Variants in FRMD6 observed in about 807,000 individuals in gnomAD.
FRMD6 encodes FERM domain-containing protein 6.
Under a neutral mutation model 73.2 loss-of-function variants are expected in FRMD6, and 37 were observed. The observed-to-expected ratio is 0.51, with a 90% CI of 0.39 to 0.66. The LOEUF (loss-of-function observed/expected upper bound fraction) is 0.66. Among genes scored for constraint, FRMD6 ranks in the 30% least tolerant of loss-of-function variants. FRMD6 has a pLI of 0.00. For synonymous variants in FRMD6, 273 were observed against 282.2 expected (o/e 0.97, Z 0.33); for missense variants, 714 against 780.5 (o/e 0.91, Z 1.02).
chr14:51,535,937 T>C (rs1885859697), intron 1 of FRMD6, among the ~76,000 whole-genome samples: 1 of 151,904 alleles, frequency 6.6e-6, no homozygotes, highest in Non-Finnish European at 1.5e-5. Flanking sequence ...TGAATAATGA[T>C]GTTGATCATC....
chr14:51,693,973 A>G (rs753130059), intron 2 of FRMD6, among the ~76,000 whole-genome samples: 1 of 152,214 alleles, frequency 6.6e-6, no homozygotes, highest in Non-Finnish European at 1.5e-5. Context: ...GTCAATGTGT[A>G]TAGAGTTTGA....
At chr14:51,592,529 G>A (rs1889457117) in intron 2 of FRMD6, among the ~76,000 whole-genome samples, 1 of 152,156 alleles carries the variant, frequency 6.6e-6, no homozygotes, top group Non-Finnish European at 1.5e-5. Context: ...ATTACCCAAA[G>A]AGCATCAAGG....
intron 1 of FRMD6, among the ~76,000 whole-genome samples, chr14:51,556,055 A>T (rs1382737246): frequency 6.6e-6 from 1 of 152,200 alleles, no homozygotes; most frequent in East Asian, 1.9e-4. Flanking sequence ...ACTAGGGCTA[A>T]GTATTGATGG....
intron 2 of FRMD6, among the ~76,000 whole-genome samples, chr14:51,695,980 GA>G (rs1895919712): frequency 6.6e-6 from 1 of 151,892 alleles, no homozygotes; most frequent in African/African-American, 2.4e-5. Context: ...CATTAATTCA[GA>G]GTTAATTTTT....
At chr14:51,583,049 C>A (rs1281759779) in intron 2 of FRMD6, among the ~76,000 whole-genome samples, 2 of 152,146 alleles carry the variant, frequency 1.3e-5, no homozygotes, top group Non-Finnish European at 2.9e-5. Flanking sequence ...AAAAGATTTT[C>A]ATTTTATTAT....
chr14:51,647,928 C>T (rs754106808), upstream of FRMD6, among the ~76,000 whole-genome samples: 3 of 152,094 alleles, frequency 2.0e-5, no homozygotes, highest in Non-Finnish European at 4.4e-5. Flanking sequence ...CAGGTTCAAG[C>T]GATTTTCCTG....
At chr14:51,469,618 G>GAAAAAAAAAAAAAAAAAAAAA in the FRMD6 span, among the ~76,000 whole-genome samples, 1 of 96,764 alleles carries the variant, frequency 1.0e-5, no homozygotes, top group African/African-American at 3.8e-5. Context: ...ATTTCAAAAA[G>GAAAAAAAAAAAAAAAAAAAAA]AAAAAAAAAA....
intron 2 of FRMD6, among the ~76,000 whole-genome samples, chr14:51,603,877 CA>C (rs1417548374): frequency 6.6e-6 from 1 of 151,292 alleles, no homozygotes; most frequent in East Asian, 1.9e-4. Flanking sequence ...GACTAATTTT[CA>C]ACATATTTTA....
At chr14:51,444,166 T>C in the FRMD6 span, among the ~76,000 whole-genome samples, 1 of 152,222 alleles carries the variant, frequency 6.6e-6, no homozygotes, top group Admixed American at 6.5e-5. Context: ...TGACCTTAGG[T>C]GATCCACCCG....
intron 10 of FRMD6, among the ~76,000 whole-genome samples, chr14:51,717,978 A>G (rs775432530): frequency 6.6e-6 from 1 of 152,192 alleles, no homozygotes; most frequent in Non-Finnish European, 1.5e-5. Flanking sequence ...TTATTTTCCA[A>G]AGTAGCGTAT....
At chr14:51,675,167 A>G (rs1249848846) in intron 1 of FRMD6, among the ~76,000 whole-genome samples, 1 of 152,084 alleles carries the variant, frequency 6.6e-6, no homozygotes, top group Non-Finnish European at 1.5e-5. Flanking sequence ...GTAAGCTAAG[A>G]GAATGAAACA....
intron 1 of FRMD6, among the ~76,000 whole-genome samples, chr14:51,523,718 C>T (rs557364881): frequency 6.6e-6 from 1 of 152,250 alleles, no homozygotes; most frequent in South Asian, 2.1e-4. Flanking sequence ...ATGCATAGGT[C>T]AAGGAGGCCT....
chr14:51,407,290 T>A, the FRMD6 span, among the ~76,000 whole-genome samples: 1 of 152,038 alleles, frequency 6.6e-6, no homozygotes, highest in Non-Finnish European at 1.5e-5. Flanking sequence ...TTTTTTCATA[T>A]TGTCCTTGCA....
the FRMD6 span, among the ~76,000 whole-genome samples, chr14:51,453,507 A>G: frequency 6.6e-6 from 1 of 152,266 alleles, no homozygotes; most frequent in African/African-American, 2.4e-5. Flanking sequence ...TCCAAGATTC[A>G]GAGTACTTTA....
chr14:51,692,498 A>C (rs552221576), intron 2 of FRMD6, among the ~76,000 whole-genome samples: 27 of 147,154 alleles, frequency 1.8e-4, no homozygotes, highest in Admixed American at 4.8e-4. Context: ...GTGTGTGTAC[A>C]CACACAAGCA....
intron 2 of FRMD6, among the ~76,000 whole-genome samples, chr14:51,601,312 G>A (rs183028831): frequency 1.1e-4 from 16 of 152,294 alleles, no homozygotes; most frequent in African/African-American, 3.6e-4. Context: ...CCTCAGAGAA[G>A]GGTTTTACTG....
At chr14:51,634,999 T>C (rs1891495151) in intron 2 of FRMD6, among the ~76,000 whole-genome samples, 1 of 152,166 alleles carries the variant, frequency 6.6e-6, no homozygotes, top group South Asian at 2.1e-4. Flanking sequence ...AGGGTCTCAG[T>C]ATATTGCCCA....
At chr14:51,552,340 A>C (rs1458799555) in intron 1 of FRMD6, among the ~76,000 whole-genome samples, 1 of 152,230 alleles carries the variant, frequency 6.6e-6, no homozygotes, top group Admixed American at 6.5e-5. Context: ...TCTGAAAACT[A>C]TCTTTCCTTT....
At position 51,729,291 on chromosome 14, in the gene FRMD6, C is replaced by A. The variant is rs953626053; in HGVS notation, c.*1262C>A. The A allele has an allele frequency of 6.6e-6, 1 of 152,156 alleles. No individual in the cohort carries two copies. Among genetic ancestry groups the A allele is most frequent in the Non-Finnish European group, 1.5e-5 (1 of 68,002 alleles). 9.4% of individuals were successfully genotyped at this position (152,156 alleles called of 1,614,324 possible). On this transcript the variant is annotated 3_prime_UTR_variant, in exon 14 of 14. Coordinates refer to ENST00000344768, the MANE Select transcript of FRMD6 (RefSeq NM_001267046.2). ...AGCTAATATGCAACAAAGTTGAAAA[C>A]CACTGATCCTGGGGGTGTCTTGTTA...
Sources: gnomAD v4.1 joint callset for allele counts (sites outside exome capture counted in the v4.1 genomes callset) on GRCh38, gnomAD v4.1.1 for gene constraint, MANE v1.5 for transcripts, NCBI Gene and HGNC (gene_info 2026-07-23, HGNC 2026-07-21) for gene names.